Variants in GRIN2B observed in about 807,000 individuals in gnomAD.
GRIN2B encodes the protein glutamate ionotropic receptor NMDA type subunit 2B.
Under a neutral mutation model 114.5 loss-of-function variants are expected in GRIN2B, and 5 were observed. That is an observed-to-expected ratio of 0.04 (90% CI 0.02 to 0.09). The LOEUF (loss-of-function observed/expected upper bound fraction) is 0.09, where lower values mean the gene tolerates loss of function less well. Among genes scored for constraint, GRIN2B ranks in the 10% least tolerant of loss-of-function variants. GRIN2B has a pLI of 1.00. For synonymous variants in GRIN2B, 787 were observed against 745.1 expected (o/e 1.06, Z -0.92); for missense variants, 1,108 against 1,943.5 (o/e 0.57, Z 8.08).
rs977090151 is a variant in GRIN2B, at chr12:13,546,964, C to T, written c.*15819G>A. The T allele has an allele frequency of 1.3e-5, 2 of 152,174 alleles. No homozygotes were observed. The highest frequency in any genetic ancestry group is 4.8e-5 in the African/African-American group (2 of 41,448). The allele number at this position is 152,174 out of a possible 1,614,324, so 9.4% of individuals were successfully genotyped here. A position where few individuals can be genotyped will look rare whatever the true frequency, so the allele number is the denominator to read the frequency against. ...CTAAGAGCCACTCACTATCCCAGCA[C>T]TTGATCTTGAGTTGAAGCACTCAGG... On this transcript the variant is annotated 3_prime_UTR_variant, in exon 14 of 14. Coordinates refer to ENST00000609686, the MANE Select transcript of GRIN2B (RefSeq NM_000834.5).
intron 3 of GRIN2B, among the ~76,000 whole-genome samples, chr12:13,825,158 G>C (rs1479187228): frequency 6.6e-6 from 1 of 151,770 alleles, no homozygotes; most frequent in Non-Finnish European, 1.5e-5. Flanking sequence ...TATCCTGAAG[G>C]CCTTTGTGAT....
intron 10 of GRIN2B, among the ~76,000 whole-genome samples, chr12:13,573,495 C>T (rs1413403096): frequency 5.4e-5 from 8 of 148,870 alleles, no homozygotes; most frequent in African/African-American, 2.0e-4. Flanking sequence ...AGTAGGTGCC[C>T]AATAAATGTT....
At chr12:13,579,054 C>T (rs1336504316) in intron 10 of GRIN2B, among the ~76,000 whole-genome samples, 2 of 152,126 alleles carry the variant, frequency 1.3e-5, no homozygotes, top group Non-Finnish European at 2.9e-5. Context: ...GATGGTGTCC[C>T]AGAGCCTGTG....
intron 4 of GRIN2B, among the ~76,000 whole-genome samples, chr12:13,676,757 C>T (rs1466650891): frequency 6.6e-6 from 1 of 152,106 alleles, no homozygotes; most frequent in African/African-American, 2.4e-5. Context: ...CAAGCCCATA[C>T]TTCTAAGAGT....
At position 13,616,633 on chromosome 12, in the gene GRIN2B, G is replaced by C; in HGVS notation, c.1150C>G (p.Leu384Val). The change falls in exon 6 of 14, where the codon CTG (leucine) becomes GTG (valine). Residue 384 changes from leucine (L) to valine (V), a missense_variant. By Grantham distance (32) the Leu-to-Val change is conservative. Coordinates refer to ENST00000609686, the MANE Select transcript of GRIN2B (RefSeq NM_000834.5). ...ERVGKWKDKS[L>V]QMKYYVWPRM... Reference sequence around the variant, plus strand: ...GGCCACACATAGTACTTCATCTGCAGGGACTTGTCTTTCCACTTCCCCACC... The same window carrying C: ...GGCCACACATAGTACTTCATCTGCACGGACTTGTCTTTCCACTTCCCCACC... The C allele has an allele frequency of 6.2e-7, 1 of 1,613,936 alleles. No homozygotes were observed. The highest frequency in any genetic ancestry group is 8.5e-7 in the Non-Finnish European group (1 of 1,179,828).
intron 2 of GRIN2B, among the ~76,000 whole-genome samples, chr12:13,892,767 C>A (rs954295486): frequency 1.3e-5 from 2 of 152,148 alleles, no homozygotes. Context: ...CTAACTGCAG[C>A]CCACATAAAT....
chr12:13,840,081 G>A (rs1865351147), intron 3 of GRIN2B, among the ~76,000 whole-genome samples: 1 of 152,162 alleles, frequency 6.6e-6, no homozygotes, highest in African/African-American at 2.4e-5. Flanking sequence ...AACTCAAAGG[G>A]TGAGGTGTGT....
chr12:13,881,311 G>A (rs1004611756), intron 2 of GRIN2B, among the ~76,000 whole-genome samples: 2 of 151,852 alleles, frequency 1.3e-5, no homozygotes, highest in South Asian at 2.1e-4. Flanking sequence ...CCACATTTCC[G>A]TGGCCCACTA....
intron 3 of GRIN2B, among the ~76,000 whole-genome samples, chr12:13,811,003 T>C (rs1217687844): frequency 1.3e-5 from 2 of 152,250 alleles, no homozygotes; most frequent in Admixed American, 6.5e-5. Flanking sequence ...ATTAGCTACA[T>C]GTCACATTGA....
At chr12:13,824,469 C>T (rs913726398) in intron 3 of GRIN2B, among the ~76,000 whole-genome samples, 1 of 152,042 alleles carries the variant, frequency 6.6e-6, no homozygotes, top group African/African-American at 2.4e-5. Flanking sequence ...ATAGTGATAT[C>T]CCCCTTTCTT....
At chr12:13,635,897 C>A (rs565035447) in intron 5 of GRIN2B, among the ~76,000 whole-genome samples, 3 of 152,240 alleles carry the variant, frequency 2.0e-5, no homozygotes, top group Admixed American at 6.5e-5. Flanking sequence ...TATTTCGCAA[C>A]AATCAGGAGT....
At chr12:13,788,752 G>C (rs1353679147) in intron 3 of GRIN2B, among the ~76,000 whole-genome samples, 1 of 49,390 alleles carries the variant, frequency 2.0e-5, no homozygotes, top group African/African-American at 7.9e-5. Context: ...TTTGCTGAGG[G>C]AAGGTGTTAA....
chr12:13,957,382 G>T (rs1027662166), intron 2 of GRIN2B, among the ~76,000 whole-genome samples: 4 of 152,142 alleles, frequency 2.6e-5, no homozygotes, highest in African/African-American at 9.7e-5. Context: ...AGAGAGGACT[G>T]CAAAGAGAGG....
intron 2 of GRIN2B, among the ~76,000 whole-genome samples, chr12:13,967,868 G>C (rs1037572135): frequency 2.0e-5 from 3 of 152,180 alleles, no homozygotes; most frequent in African/African-American, 7.2e-5. Flanking sequence ...CAAGAGGCAT[G>C]AGCAAAGGCC....
chr12:13,599,555 A>C (rs536509454), intron 10 of GRIN2B, among the ~76,000 whole-genome samples: 55 of 152,334 alleles, frequency 3.6e-4, no homozygotes, highest in African/African-American at 1.3e-3. Flanking sequence ...ATTCTTAATA[A>C]ATTCTCAACC....
At chr12:13,774,301 G>T (rs1442802453) in intron 3 of GRIN2B, among the ~76,000 whole-genome samples, 3 of 152,180 alleles carry the variant, frequency 2.0e-5, no homozygotes, top group Non-Finnish European at 2.9e-5. Context: ...TTGCTAGTGG[G>T]TTTTTATCAA....
chr12:13,697,467 T>C (rs538893781), intron 4 of GRIN2B, among the ~76,000 whole-genome samples: 17 of 152,252 alleles, frequency 1.1e-4, no homozygotes, highest in Middle Eastern at 3.4e-3. Context: ...CCTTGTATTC[T>C]TATCCCCTGT....
chr12:13,962,620 G>A (rs1867714567), intron 2 of GRIN2B, among the ~76,000 whole-genome samples: 1 of 152,226 alleles, frequency 6.6e-6, no homozygotes, highest in Non-Finnish European at 1.5e-5. Flanking sequence ...ACAGGCAGGA[G>A]TGAGACAAAG....
intron 5 of GRIN2B, among the ~76,000 whole-genome samples, chr12:13,644,338 CT>C (rs1395045768): frequency 6.6e-6 from 1 of 152,054 alleles, no homozygotes; most frequent in Non-Finnish European, 1.5e-5. Context: ...AAGGAATCTC[CT>C]TTTTTGAACA....
Sources: gnomAD v4.1 joint callset for allele counts (sites outside exome capture counted in the v4.1 genomes callset) on GRCh38, gnomAD v4.1.1 for gene constraint, MANE v1.5 for transcripts, NCBI Gene and HGNC (gene_info 2026-07-23, HGNC 2026-07-21) for gene names.